The following NCKAP5 variants were observed in gnomAD, a reference collection of about 807,000 sequenced individuals.
NCKAP5 encodes the protein nck-associated protein 5.
In NCKAP5, 92 loss-of-function variants were observed where a neutral mutation model predicts 167.0. The observed-to-expected ratio is 0.55, with a 90% CI of 0.47 to 0.66. The LOEUF (loss-of-function observed/expected upper bound fraction) is 0.66. Among genes scored for constraint, NCKAP5 ranks in the 30% least tolerant of loss-of-function variants. The probability of loss-of-function intolerance (pLI) is 0.00; values close to 1 mark genes in which losing one functional copy is unlikely to be tolerated. For missense variants in NCKAP5, 2,378 were observed against 2,315.0 expected (o/e 1.03, Z -0.56); for synonymous variants, 891 against 877.4 (o/e 1.02, Z -0.27).
chr2:133,399,140 G>A (rs1687938331), intron 3 of NCKAP5, among the ~76,000 whole-genome samples: 1 of 152,128 alleles, frequency 6.6e-6, no homozygotes, highest in Non-Finnish European at 1.5e-5. Context: ...ACATGCTCTC[G>A]CTCTTCATTT....
chr2:133,574,165 C>T, the NCKAP5 span, among the ~76,000 whole-genome samples: 1 of 152,088 alleles, frequency 6.6e-6, no homozygotes, highest in Admixed American at 6.5e-5. Context: ...TGACTTTCCC[C>T]TGTGTGAAAC....
At chr2:132,983,848 GC>G (rs1241422913) in intron 7 of NCKAP5, among the ~76,000 whole-genome samples, 1 of 152,166 alleles carries the variant, frequency 6.6e-6, no homozygotes, top group East Asian at 1.9e-4. Flanking sequence ...GGATTAGATA[GC>G]CCTTCCCCTC....
the NCKAP5 span, among the ~76,000 whole-genome samples, chr2:133,586,333 G>A: frequency 3.3e-5 from 5 of 152,030 alleles, no homozygotes; most frequent in Non-Finnish European, 7.4e-5. Flanking sequence ...TTCTGCTTCC[G>A]ATTCCTGGCC....
chr2:132,770,619 A>G (rs559489820), intron 16 of NCKAP5, among the ~76,000 whole-genome samples: 1 of 152,190 alleles, frequency 6.6e-6, no homozygotes, highest in South Asian at 2.1e-4. Flanking sequence ...TCTATCAAAA[A>G]CATGGTTCAA....
At chr2:132,703,599 T>C (rs556006397) in intron 19 of NCKAP5, among the ~76,000 whole-genome samples, 1 of 152,180 alleles carries the variant, frequency 6.6e-6, no homozygotes, top group Admixed American at 6.5e-5. Flanking sequence ...ATGGCTGACG[T>C]TGAAGACTTG....
At chr2:133,185,537 C>A (rs994955755) in intron 5 of NCKAP5, among the ~76,000 whole-genome samples, 3 of 151,852 alleles carry the variant, frequency 2.0e-5, no homozygotes, top group African/African-American at 7.3e-5. Context: ...AGCACTGAAC[C>A]TATAAATTGC....
the NCKAP5 span, among the ~76,000 whole-genome samples, chr2:133,661,740 C>A: frequency 6.6e-6 from 1 of 152,204 alleles, no homozygotes; most frequent in Non-Finnish European, 1.5e-5. Context: ...ACCATCCCCC[C>A]ATACCCAAGC....
At chr2:133,180,618 C>G (rs551470266) in intron 5 of NCKAP5, among the ~76,000 whole-genome samples, 1 of 152,174 alleles carries the variant, frequency 6.6e-6, no homozygotes, top group East Asian at 1.9e-4. Flanking sequence ...GGATTACAGA[C>G]GTGAGCCACT....
upstream of NCKAP5, among the ~76,000 whole-genome samples, chr2:133,573,175 C>T (rs956241088): frequency 1.3e-5 from 2 of 152,204 alleles, no homozygotes; most frequent in Admixed American, 6.5e-5. Flanking sequence ...TGGTAGCCCT[C>T]TTACATAAAT....
chr2:132,715,864 T>C (rs1689322930), intron 19 of NCKAP5, among the ~76,000 whole-genome samples: 1 of 152,242 alleles, frequency 6.6e-6, no homozygotes, highest in Non-Finnish European at 1.5e-5. Flanking sequence ...GGTGTCTGCC[T>C]GCTGTCATAT....
At chr2:133,627,413 C>G in the NCKAP5 span, among the ~76,000 whole-genome samples, 2 of 152,076 alleles carry the variant, frequency 1.3e-5, no homozygotes, top group Non-Finnish European at 2.9e-5. Flanking sequence ...TAGACACTAA[C>G]AGAATGCTGT....
intron 8 of NCKAP5, among the ~76,000 whole-genome samples, chr2:132,944,533 G>A (rs1697548589): frequency 6.6e-6 from 1 of 152,102 alleles, no homozygotes; most frequent in Non-Finnish European, 1.5e-5. Flanking sequence ...CTTGTCCAAG[G>A]CCACATAGCT....
intron 8 of NCKAP5, among the ~76,000 whole-genome samples, chr2:132,946,292 T>C (rs969794411): frequency 6.6e-6 from 1 of 152,080 alleles, no homozygotes; most frequent in Non-Finnish European, 1.5e-5. Context: ...CCAATATGAG[T>C]GACCTTCTAA....
Position 132,878,887 on chromosome 2 carries a change from A to G in NCKAP5, c.609T>C (p.Asn203=). 1 of 1,613,812 alleles carries G rather than the reference A, an allele frequency of 6.2e-7. No individual in the cohort carries two copies. The highest frequency in any genetic ancestry group is 8.5e-7 in the Non-Finnish European group (1 of 1,179,720). ...GCTCATATTGTTCCCTTTGATTTTC[A>G]TTCTCCAAAGCCAACGCTGAATTCT... ...EAENSALALE[N]ENQREQYERC... Residue 203 remains asparagine (N), a synonymous_variant, in exon 9 of 20, where the codon AAT becomes AAC. Coordinates refer to ENST00000409261, the MANE Select transcript of NCKAP5 (RefSeq NM_207363.3).
chr2:133,550,919 T>G (rs1460887306), intron 2 of NCKAP5, among the ~76,000 whole-genome samples: 22 of 151,436 alleles, frequency 1.5e-4, no homozygotes, highest in African/African-American at 5.1e-4. Context: ...ACAAAATCAA[T>G]GTACAAAAAT....
rs1558782255 is a variant in NCKAP5, at chr2:132,790,144, C to G, written c.971G>C (p.Gly324Ala). 6.2e-7 allele frequency: 1 copy of G among 1,613,590 alleles called. No individual in the cohort carries two copies. Among genetic ancestry groups the G allele is most frequent in the Non-Finnish European group, 8.5e-7 (1 of 1,179,778 alleles). ...KCPGLGAVIP[G>A]HLCPRNSYSS... ...GTAGCTGTTTCGAGGACAGAGATGA[C>G]CAGGGATGACAGCCCCCAAGCCAGG... The change falls in exon 13 of 20, where the codon GGT becomes GCT. Residue 324 changes from glycine (G) to alanine (A), a missense_variant. Around this residue, in one of 3 missense-constraint regions of NCKAP5, gnomAD observed 1,049 missense variants for 1,023.4 expected, o/e 1.02. Coordinates refer to ENST00000409261, the MANE Select transcript of NCKAP5 (RefSeq NM_207363.3).
At chr2:132,912,793 T>G (rs530193251) in intron 8 of NCKAP5, among the ~76,000 whole-genome samples, 1 of 152,214 alleles carries the variant, frequency 6.6e-6, no homozygotes, top group African/African-American at 2.4e-5. Flanking sequence ...ATGCCACTTC[T>G]TCTATTGAGG....
chr2:133,365,753 T>C (rs1685418358), intron 3 of NCKAP5, among the ~76,000 whole-genome samples: 1 of 152,210 alleles, frequency 6.6e-6, no homozygotes, highest in Admixed American at 6.5e-5. Context: ...ATAAGGAGAC[T>C]CCCTTTTATT....
At chr2:132,718,450 CTA>C (rs1689585143) in intron 19 of NCKAP5, among the ~76,000 whole-genome samples, 1 of 152,138 alleles carries the variant, frequency 6.6e-6, no homozygotes, top group African/African-American at 2.4e-5. Context: ...GGGACAGAGA[CTA>C]TGAGAATCAA....
Sources: allele counts gnomAD v4.1 joint callset (sites outside exome capture counted in the v4.1 genomes callset), GRCh38; gene constraint gnomAD v4.1.1; regional missense constraint gnomAD v4.1.1; transcripts MANE v1.5; gene names NCBI Gene and HGNC (gene_info 2026-07-23, HGNC 2026-07-21).